NEGR1: variants seen among roughly 807,000 people sequenced by gnomAD.
NEGR1 encodes the protein neuronal growth regulator 1, also known as IgLON family member 4.
In NEGR1, 10 loss-of-function variants were observed where a neutral mutation model predicts 40.9. That is an observed-to-expected ratio of 0.24 (90% CI 0.15 to 0.42). NEGR1 has a LOEUF of 0.42. Among genes scored for constraint, NEGR1 ranks in the 10% least tolerant of loss-of-function variants. The pLI is 1.00. For missense variants in NEGR1, 352 were observed against 438.9 expected (o/e 0.80, Z 1.77); for synonymous variants, 185 against 166.8 (o/e 1.11, Z -0.84).
At chr1:72,146,415 G>C (rs1008111462) in intron 1 of NEGR1, among the ~76,000 whole-genome samples, 1 of 152,236 alleles carries the variant, frequency 6.6e-6, no homozygotes, top group African/African-American at 2.4e-5. Context: ...ATGAGTAAGT[G>C]TAAGAAAATG....
At chr1:72,194,435 A>G (rs942459948) in intron 1 of NEGR1, among the ~76,000 whole-genome samples, 2 of 152,052 alleles carry the variant, frequency 1.3e-5, no homozygotes, top group East Asian at 3.9e-4. Context: ...AACCGCTGTT[A>G]GAGTGAAAGT....
chr1:71,544,211 T>C (rs1647811786), intron 6 of NEGR1, among the ~76,000 whole-genome samples: 1 of 151,750 alleles, frequency 6.6e-6, no homozygotes, highest in Non-Finnish European at 1.5e-5. Flanking sequence ...ATCTAAATCA[T>C]TTAAGTAGTA....
chr1:72,247,199 A>G (rs953714071), intron 1 of NEGR1, among the ~76,000 whole-genome samples: 1 of 152,120 alleles, frequency 6.6e-6, no homozygotes, highest in Non-Finnish European at 1.5e-5. Flanking sequence ...TGGTATTCAC[A>G]CCTTGCTCCC....
chr1:71,564,655 T>G (rs1468593136), intron 6 of NEGR1, among the ~76,000 whole-genome samples: 1 of 152,052 alleles, frequency 6.6e-6, no homozygotes, highest in Non-Finnish European at 1.5e-5. Context: ...TTCAAAGAAA[T>G]AAGAAAATTT....
chr1:72,073,494 A>G (rs770838831), intron 1 of NEGR1, among the ~76,000 whole-genome samples: 8 of 152,154 alleles, frequency 5.3e-5, no homozygotes, highest in Non-Finnish European at 8.8e-5. Flanking sequence ...AGATGTTTAT[A>G]GCTAAGAAAA....
At chr1:72,053,688 T>C (rs1011299075) in intron 1 of NEGR1, among the ~76,000 whole-genome samples, 2 of 151,208 alleles carry the variant, frequency 1.3e-5, no homozygotes, top group East Asian at 1.9e-4. Context: ...AGCTAACTTA[T>C]ACAGATAAAT....
intron 3 of NEGR1, among the ~76,000 whole-genome samples, chr1:71,716,948 T>TC (rs984751251): frequency 2.6e-5 from 4 of 151,942 alleles, no homozygotes; most frequent in Non-Finnish European, 5.9e-5. Context: ...AAGAACTGCC[T>TC]CCCCCCACCA....
intron 1 of NEGR1, among the ~76,000 whole-genome samples, chr1:72,185,530 G>A (rs7523657): frequency 0.014 from 2,087 of 151,908 alleles, 36 homozygotes; most frequent in African/African-American, 0.048. Context: ...ATGGCTGAGC[G>A]ATAATGCTGA....
intron 1 of NEGR1, among the ~76,000 whole-genome samples, chr1:72,046,052 A>G (rs1296760080): frequency 2.0e-5 from 3 of 151,812 alleles, no homozygotes; most frequent in Admixed American, 1.3e-4. Context: ...GGCAATAGAG[A>G]GAGAAAAATT....
intron 1 of NEGR1, among the ~76,000 whole-genome samples, chr1:71,949,397 T>C (rs1646049614): frequency 6.6e-6 from 1 of 152,190 alleles, no homozygotes. Flanking sequence ...ATTTAATCAA[T>C]TATTGTCCTG....
intron 2 of NEGR1, among the ~76,000 whole-genome samples, chr1:71,927,501 CTTGCTA>C (rs1197112399): frequency 6.6e-6 from 1 of 152,072 alleles, no homozygotes; most frequent in Non-Finnish European, 1.5e-5. Flanking sequence ...TGGAAATAAT[CTTGCTA>C]AAGTCTAAGA....
intron 6 of NEGR1, among the ~76,000 whole-genome samples, chr1:71,476,192 T>C (rs937665204): frequency 2.6e-5 from 4 of 152,100 alleles, no homozygotes; most frequent in Non-Finnish European, 5.9e-5. Context: ...AAATATGAGT[T>C]ATCTGATCAT....
chr1:72,270,409 C>A (rs1655803013), intron 1 of NEGR1, among the ~76,000 whole-genome samples: 1 of 151,880 alleles, frequency 6.6e-6, no homozygotes, highest in Non-Finnish European at 1.5e-5. Flanking sequence ...AGGGAAAGTT[C>A]TTGCCCATAC....
chr1:71,704,585 A>T (rs1320619327), intron 3 of NEGR1, among the ~76,000 whole-genome samples: 2 of 151,772 alleles, frequency 1.3e-5, no homozygotes, highest in African/African-American at 4.8e-5. Context: ...TTTATATATT[A>T]ATTTAGAAAA....
At chr1:71,791,653 G>T (rs1657122876) in intron 2 of NEGR1, among the ~76,000 whole-genome samples, 1 of 152,082 alleles carries the variant, frequency 6.6e-6, no homozygotes, top group African/African-American at 2.4e-5. Context: ...TCAAAGGCAT[G>T]CTCTTGCCCT....
intron 1 of NEGR1, among the ~76,000 whole-genome samples, chr1:72,070,260 G>T (rs1340253983): frequency 2.0e-5 from 3 of 151,950 alleles, no homozygotes; most frequent in African/African-American, 7.2e-5. Flanking sequence ...GTTTCTGGAG[G>T]TATTCAATAA....
At chr1:72,050,991 T>TC (rs1039631554) in intron 1 of NEGR1, among the ~76,000 whole-genome samples, 2 of 151,478 alleles carry the variant, frequency 1.3e-5, no homozygotes, top group Non-Finnish European at 3.0e-5. Context: ...CCTAAGTAAT[T>TC]CTTTTTTTCC....
chr1:71,904,114 G>A (rs955100610), intron 2 of NEGR1, among the ~76,000 whole-genome samples: 1 of 151,922 alleles, frequency 6.6e-6, no homozygotes, highest in Non-Finnish European at 1.5e-5. Context: ...TCAGTGTGAA[G>A]CAGTGCCTCA....
intron 1 of NEGR1, among the ~76,000 whole-genome samples, chr1:71,973,001 T>C (rs1319107497): frequency 6.6e-6 from 1 of 152,188 alleles, no homozygotes; most frequent in Non-Finnish European, 1.5e-5. Context: ...TAAATGCATA[T>C]TGAAAAATTC....
Sources: gnomAD v4.1 joint callset for allele counts (sites outside exome capture counted in the v4.1 genomes callset) on GRCh38, gnomAD v4.1.1 for gene constraint, MANE v1.5 for transcripts, NCBI Gene and HGNC (gene_info 2026-07-23, HGNC 2026-07-21) for gene names.